SLC17A3: variants seen among roughly 807,000 people sequenced by gnomAD.
The protein encoded by SLC17A3 is solute carrier family 17 member 3.
In SLC17A3, 61 loss-of-function variants were observed where a neutral mutation model predicts 60.3. The ratio of observed to expected loss-of-function variants is 1.01; its 90% CI spans 0.82 to 1.25. The LOEUF is 1.25. SLC17A3 is among the 50% of genes most tolerant of loss of function. The pLI is 0.00. For synonymous variants in SLC17A3, 192 were observed against 208.9 expected (o/e 0.92, Z 0.70); for missense variants, 624 against 594.9 (o/e 1.05, Z -0.51).
In SLC17A3 at chr6:25,845,292, G is replaced by A; in HGVS notation, c.*9C>T. 3 of 1,490,010 alleles carry A rather than the reference G, an allele frequency of 2.0e-6. No individual in the cohort carries two copies. The highest frequency in any genetic ancestry group is 2.3e-5 in the South Asian group (2 of 87,792). The allele number at this position is 1,490,010 out of a possible 1,614,324, so 92.3% of individuals were successfully genotyped here. A position where few individuals can be genotyped will look rare whatever the true frequency, so the allele number is the denominator to read the frequency against. Reference sequence around the variant, plus strand: ...GCCTAATGACTTTTCCATCCAAGGTGGGATAACTAAGAAAGGAAAATGATA... The same window carrying A: ...GCCTAATGACTTTTCCATCCAAGGTAGGATAACTAAGAAAGGAAAATGATA... On this transcript the variant is annotated 3_prime_UTR_variant, in exon 13 of 13. Coordinates refer to ENST00000397060, the MANE Select transcript of SLC17A3 (RefSeq NM_001098486.2).
At chr6:25,848,076 T>A (rs1765207980) in intron 11 of SLC17A3, among the ~76,000 whole-genome samples, 1 of 152,232 alleles carries the variant, frequency 6.6e-6, no homozygotes, top group African/African-American at 2.4e-5. Context: ...TGCCATCAAT[T>A]CATTCCTTTT....
At chr6:25,866,707 T>C (rs55912630) in intron 2 of SLC17A3, among the ~76,000 whole-genome samples, 6,921 of 152,040 alleles carry the variant, frequency 0.046, 200 homozygotes, top group Non-Finnish European at 0.072. Flanking sequence ...TAAGACATTA[T>C]TGTATTGAAG....
At chr6:25,856,186 T>G (rs1349956477) in intron 5 of SLC17A3, among the ~76,000 whole-genome samples, 1 of 152,192 alleles carries the variant, frequency 6.6e-6, no homozygotes, top group East Asian at 1.9e-4. Context: ...TTTTCTCATC[T>G]CTTTGACAGC....
At position 25,861,730 on chromosome 6, in the gene SLC17A3, G is replaced by A; in HGVS notation, c.538-19C>T. 6.2e-7 allele frequency: 1 copy of A among 1,612,402 alleles called. No individual in the cohort carries two copies. The highest frequency in any genetic ancestry group is 8.5e-7 in the Non-Finnish European group (1 of 1,178,460). Reference sequence around the variant, plus strand: ...TTGAGGACTGAAATTAAAATGATTAGAGTTCTTAATGTGTGGTGCCATGTA... The same window carrying A: ...TTGAGGACTGAAATTAAAATGATTAAAGTTCTTAATGTGTGGTGCCATGTA... On this transcript the variant is annotated intron_variant, in intron 4 of 12. Coordinates refer to ENST00000397060, the MANE Select transcript of SLC17A3 (RefSeq NM_001098486.2).
At position 25,862,306 on chromosome 6, in the gene SLC17A3, T is replaced by C. The variant is rs1195435831; in HGVS notation, c.230A>G (p.Asn77Ser). 7 of 1,613,676 alleles carry C rather than the reference T, an allele frequency of 4.3e-6. No individual in the cohort carries two copies. The highest frequency in any genetic ancestry group is 2.2e-5 in the East Asian group (1 of 44,860). The change falls in exon 3 of 13, where the codon AAT (asparagine) becomes AGT (serine). Residue 77 changes from asparagine (N) to serine (S), a missense_variant. Asn to Ser is a conservative substitution (Grantham distance 46). Coordinates refer to ENST00000397060, the MANE Select transcript of SLC17A3 (RefSeq NM_001098486.2). ...VNSTSPQSQL[N>S]DSSEVLPVDS... ...AACAGGCAGCACCTCAGAGGAATCA[T>C]TGAGCTGGGATTGAGGGCTTGTGCT...
intron 1 of SLC17A3, among the ~76,000 whole-genome samples, chr6:25,872,210 T>C (rs1765654492): frequency 6.6e-6 from 1 of 151,970 alleles, no homozygotes; most frequent in South Asian, 2.1e-4. Context: ...TTTACATCTC[T>C]TGTATCTATA....
Position 25,862,396 on chromosome 6 carries a change from A to G in SLC17A3, c.140T>C (p.Phe47Ser). ...ARYGIALVLH[F>S]CNFTTIAQNV... Reference sequence around the variant, plus strand: ...TTGTGCTATCGTTGTGAAATTGCAGAAATGTAAGACGAGGGCTATTCCATA... The same window carrying G: ...TTGTGCTATCGTTGTGAAATTGCAGGAATGTAAGACGAGGGCTATTCCATA... The change falls in exon 3 of 13, where the codon TTC (phenylalanine) becomes TCC (serine). Residue 47 changes from phenylalanine to serine, a missense_variant. Coordinates refer to ENST00000397060, the MANE Select transcript of SLC17A3 (RefSeq NM_001098486.2). The G allele has an allele frequency of 6.2e-7, 1 of 1,613,766 alleles. No homozygotes were observed. Among genetic ancestry groups the G allele is most frequent in the Non-Finnish European group, 8.5e-7 (1 of 1,179,716 alleles).
At position 25,847,085 on chromosome 6, in the gene SLC17A3, T is replaced by A. The variant is rs1165193; in HGVS notation, c.1363-1569A>T. Among the ~76,000 whole-genome samples, 1,500 of 152,038 alleles carry A rather than the reference T, an allele frequency of 9.9e-3. 25 individuals are homozygous for A. The highest frequency in any genetic ancestry group is 0.034 in the African/African-American group (1,414 of 41,442). On this transcript the variant is annotated intron_variant, in intron 11 of 12. Coordinates refer to ENST00000397060, the MANE Select transcript of SLC17A3 (RefSeq NM_001098486.2). ...CTCTTTCCCTCCTCCCACCCTTCACTCTCAAGTAAGATCCAGTGTCTGTTG... is the reference window on the plus strand; with the variant it reads ...CTCTTTCCCTCCTCCCACCCTTCACACTCAAGTAAGATCCAGTGTCTGTTG...
rs148747782 is a variant in SLC17A3 at position 25,848,710 on chromosome 6, A to T, written c.1362+664T>A. Reference sequence around the variant, plus strand: ...CTTAGGCAAGGATTTCATGACCAAGAACCCAAAAGCAAATGCAATAAAAAC... The same window carrying T: ...CTTAGGCAAGGATTTCATGACCAAGTACCCAAAAGCAAATGCAATAAAAAC... On this transcript the variant is annotated intron_variant, in intron 11 of 12. Coordinates refer to ENST00000397060, the MANE Select transcript of SLC17A3 (RefSeq NM_001098486.2). Among the ~76,000 whole-genome samples, 50 of 152,304 alleles carry T rather than the reference A, an allele frequency of 3.3e-4. 1 individual carries two copies. In the East Asian group the frequency reaches 8.9e-3, roughly 27 times the overall value.
At chr6:25,849,997 T>C (rs1765244910) in intron 9 of SLC17A3, 45 bp from the exon 10 acceptor site, 1 of 1,613,874 alleles carries the variant, frequency 6.2e-7, no homozygotes, top group Admixed American at 1.7e-5. Flanking sequence ...GATGCATTCT[T>C]TGGCTGTTGT....
chr6:25,859,103 T>C (rs1408214031), intron 5 of SLC17A3, among the ~76,000 whole-genome samples: 1 of 152,208 alleles, frequency 6.6e-6, no homozygotes, highest in Non-Finnish European at 1.5e-5. Context: ...GGGTATTGAT[T>C]ATAACAAAGT....
chr6:25,851,231 T>C (rs1404371632), intron 6 of SLC17A3, among the ~76,000 whole-genome samples: 1 of 147,488 alleles, frequency 6.8e-6, no homozygotes, highest in Admixed American at 6.7e-5. Context: ...TGATGAAGTG[T>C]CTTTGCCCAA....
rs375177204 is a variant in SLC17A3 at position 25,850,822 on chromosome 6, G to A, written c.768C>T (p.Pro256=). The change falls in exon 7 of 13, where the codon CCC becomes CCT. Residue 256 remains proline (P), a synonymous_variant. Coordinates refer to ENST00000397060, the MANE Select transcript of SLC17A3 (RefSeq NM_001098486.2). The stretch of plus-strand genomic sequence containing the variant: ...AGGTGCTTATCCATGGATAGGAAAC[G>A]GGGTCATCATAAATCACAACAAACC... ...LLWFVVIYDD[P]VSYPWISTSE... 4.0e-5 allele frequency: 65 copies of A among 1,613,926 alleles called. No homozygotes were observed. Among genetic ancestry groups the A allele is most frequent in the African/African-American group, 2.5e-4 (19 of 74,900 alleles).
At position 25,861,686 on chromosome 6, in the gene SLC17A3, G is replaced by A. The variant is rs368452184; in HGVS notation, c.563C>T (p.Ala188Val). Residue 188 changes from alanine (A) to valine (V), a missense_variant, in exon 5 of 13, where the codon GCA becomes GTA. By Grantham distance (64) the Ala-to-Val change is moderately conservative (BLOSUM62 0). Transcript: ENST00000397060. Reference sequence around the variant, plus strand: ...TGGAGGGCCCCACTTTTCCCAAATTGCAAACTGACCCCCAAGTATTGAGGA... The same window carrying A: ...TGGAGGGCCCCACTTTTCCCAAATTACAAACTGACCCCCAAGTATTGAGGA... ...SQSSILGGQF[A>V]IWEKWGPPQE... 2 of 1,613,816 alleles carry A rather than the reference G, an allele frequency of 1.2e-6. No individual in the cohort carries two copies. Among genetic ancestry groups the A allele is most frequent in the African/African-American group, 1.3e-5 (1 of 74,888 alleles).
At chr6:25,871,445 C>A (rs1464154687) in intron 1 of SLC17A3, among the ~76,000 whole-genome samples, 1 of 143,784 alleles carries the variant, frequency 7.0e-6, no homozygotes. Context: ...ACAGTGAGAA[C>A]ACATGGACAC....
At chr6:25,864,760 G>C (rs1248510063) in intron 2 of SLC17A3, among the ~76,000 whole-genome samples, 1 of 152,030 alleles carries the variant, frequency 6.6e-6, no homozygotes, top group Non-Finnish European at 1.5e-5. Flanking sequence ...GTTTAGAAGA[G>C]AAGTAGGAGT....
At position 25,854,743 on chromosome 6, in the gene SLC17A3, T is replaced by TTACTCAGGATGCCTTGCTCCTGTGC. The variant is rs556686237; in HGVS notation, c.712+376_712+400dup. Among the ~76,000 whole-genome samples, 761 of 152,032 alleles carry TTACTCAGGATGCCTTGCTCCTGTGC rather than the reference T, an allele frequency of 5.0e-3. 6 individuals carry two copies. Among genetic ancestry groups the TTACTCAGGATGCCTTGCTCCTGTGC allele is most frequent in the African/African-American group, 0.018 (724 of 41,316 alleles). Reference sequence around the variant, plus strand: ...TTCTCCTCTCTAAGAAACTTGAGCCTTACTCAGGATGCCTTGCTCCTGTGC... The same window carrying TTACTCAGGATGCCTTGCTCCTGTGC: ...TTCTCCTCTCTAAGAAACTTGAGCCTTACTCAGGATGCCTTGCTCCTGTGCTACTCAGGATGCCTTGCTCCTGTGC... On this transcript the variant is annotated intron_variant, in intron 6 of 12. Coordinates refer to ENST00000397060, the MANE Select transcript of SLC17A3 (RefSeq NM_001098486.2).
chr6:25,850,912 T>A (rs779348573), intron 6 of SLC17A3, 35 bp from the exon 7 acceptor site: 1 of 1,502,642 alleles, frequency 6.7e-7, no homozygotes, highest in Admixed American at 1.7e-5. Flanking sequence ...AAATGGGCTG[T>A]TTTCTGCTTT....
chr6:25,849,240 C>A, intron 11 of SLC17A3, 134 bp downstream of exon 11: 1 of 677,248 alleles, frequency 1.5e-6, no homozygotes. Context: ...CTATATTTTT[C>A]TTTAGCAGGT....
Sources: allele counts gnomAD v4.1 joint callset (sites outside exome capture counted in the v4.1 genomes callset), GRCh38; gene constraint gnomAD v4.1.1; transcripts MANE v1.5; gene names NCBI Gene and HGNC (gene_info 2026-07-23, HGNC 2026-07-21).